The following TGIF1 variants were observed in gnomAD, a reference collection of about 807,000 sequenced individuals.
TGIF1 encodes TGFB induced factor homeobox 1.
TGIF1 carries 4 observed loss-of-function variants against 19.3 expected under a neutral mutation model. The ratio of observed to expected loss-of-function variants is 0.21; its 90% confidence interval spans 0.10 to 0.47. TGIF1 has a LOEUF of 0.47. TGIF1 is among the 20% of genes least tolerant of loss of function. TGIF1 has a pLI of 0.98. For synonymous variants in TGIF1, 122 were observed against 129.3 expected, an observed-to-expected ratio of 0.94 and a Z score of 0.38; for missense variants, 275 against 341.4, an observed-to-expected ratio of 0.81 and a Z score of 1.53.
Position 3,457,944 on chromosome 18 carries a change from A to G in TGIF1, c.*4A>G. On this transcript the variant is annotated 3_prime_UTR_variant, in exon 3 of 3. Coordinates refer to ENST00000343820, the MANE Select transcript of TGIF1 (RefSeq NM_003244.4). This position sits in a 1 kb window ranked among gnomAD's most constrained non-coding sequence, Gnocchi z 4.9. ...TCAGGCAAAACTTACAGCTTAACCC[A>G]TTTTCAAGCAAAACAGTTCTCAGAA... 1 of 1,599,642 alleles carries G rather than the reference A, an allele frequency of 6.3e-7. No homozygotes were observed. Among genetic ancestry groups the G allele is most frequent in the Non-Finnish European group, 8.5e-7 (1 of 1,179,694 alleles).
rs1568058385 is a variant in TGIF1, at chr18:3,458,914, AGT to A, written c.*977_*978del. 6.6e-6 allele frequency: 1 copy of A among 152,212 alleles called. No individual in the cohort carries two copies. 9.4% of individuals were successfully genotyped at this position (152,212 alleles called of 1,614,324 possible). ...AAATTACCTTTTAAAACATCTCAAAAGTGTTTTCTAAAATGATGAAATAAACG... is the reference window on the plus strand; with the variant it reads ...AAATTACCTTTTAAAACATCTCAAAAGTTTTCTAAAATGATGAAATAAACG... On this transcript the variant is annotated 3_prime_UTR_variant, in exon 3 of 3. Transcript: ENST00000343820.
chr18:3,415,207 G>A (rs2082316692), intron 1 of TGIF1: 2 of 221,130 alleles, frequency 9.0e-6, no homozygotes, highest in Non-Finnish European at 1.9e-5. Context: ...AGTGGCTCAA[G>A]AGCCAGGCCC....
Position 3,457,141 on chromosome 18 carries a change from A to T in TGIF1, c.244-224A>T. 1.6e-6 allele frequency: 1 copy of T among 617,626 alleles called. No individual in the cohort carries two copies. Among genetic ancestry groups the T allele is most frequent in the East Asian group, 2.8e-5 (1 of 36,068 alleles). 38.3% of individuals were successfully genotyped at this position (617,626 alleles called of 1,614,324 possible). On this transcript the variant is annotated intron_variant, in intron 2 of 2. Transcript: ENST00000343820. The surrounding 1 kb of genome is among the most constrained non-coding windows in gnomAD (Gnocchi z 4.9). The stretch of plus-strand genomic sequence containing the variant: ...TGAAAAGGTTTAAGTATGAAGAGAC[A>T]AAAAAGGAAATTTGTATTAGAAACT...
At chr18:3,452,222 C>G (rs770281321) in intron 1 of TGIF1, 7 of 1,604,724 alleles carry the variant, frequency 4.4e-6, no homozygotes, top group South Asian at 2.2e-5. Flanking sequence ...CCTGCGCCCC[C>G]CCTCCTCCAC....
Position 3,451,997 on chromosome 18 carries a change from C to A in TGIF1, c.16+1492C>A, listed in dbSNP as rs1362853844. The A allele has an allele frequency of 1.2e-6, 2 of 1,601,258 alleles. No individual in the cohort carries two copies. Among genetic ancestry groups the A allele is most frequent in the Admixed American group, 1.7e-5 (1 of 59,070 alleles). On this transcript the variant is annotated intron_variant, in intron 1 of 2. Transcript: ENST00000343820. The surrounding 1 kb of genome is among the most constrained non-coding windows in gnomAD (Gnocchi z 5.4). ...TTTCGAGGATGGTTCTAGCGCAGAG[C>A]CGGGTGTCTGCCGGGGTGGGCTCCC...
intron 2 of TGIF1, among the ~76,000 whole-genome samples, chr18:3,421,934 C>T (rs1395638063): frequency 2.6e-5 from 4 of 152,006 alleles, no homozygotes; most frequent in South Asian, 2.1e-4. Flanking sequence ...TGGCTCACGC[C>T]TGTAATCCCA....
chr18:3,438,594 CAA>C (rs1491173050), intron 2 of TGIF1, among the ~76,000 whole-genome samples: 3 of 144,590 alleles, frequency 2.1e-5, no homozygotes, highest in South Asian at 4.5e-4. Flanking sequence ...TTCATACACA[CAA>C]ACACACACAC....
In TGIF1 at chr18:3,457,823, C is replaced by T; in HGVS notation, c.702C>T (p.Asn234=). The change falls in exon 3 of 3, where the codon AAC becomes AAT. Residue 234 remains asparagine (N), a synonymous_variant. Coordinates refer to ENST00000343820, the MANE Select transcript of TGIF1 (RefSeq NM_003244.4). The surrounding 1 kb of genome is among the most constrained non-coding windows in gnomAD (Gnocchi z 4.9). ...PSTNTQSGLF[N]TPPPTPPDLN... is the part of the protein sequence containing the mutation. ...CGAATACACAGAGTGGTCTTTTCAA[C>T]ACTCCTCCCCCTACTCCACCGGACC... 1 of 1,612,836 alleles carries T rather than the reference C, an allele frequency of 6.2e-7. No individual in the cohort carries two copies. Among genetic ancestry groups the T allele is most frequent in the Non-Finnish European group, 8.5e-7 (1 of 1,180,010 alleles).
intron 2 of TGIF1, among the ~76,000 whole-genome samples, chr18:3,419,609 A>G (rs1311397303): frequency 6.6e-6 from 1 of 152,230 alleles, no homozygotes; most frequent in African/African-American, 2.4e-5. Flanking sequence ...AAAATGTACA[A>G]AACTAATAAT....
chr18:3,415,263 G>A, intron 1 of TGIF1: 1 of 275,988 alleles, frequency 3.6e-6, no homozygotes, highest in South Asian at 3.6e-5. Context: ...TGGACACCAA[G>A]CCAGCTTACC....
At chr18:3,427,696 T>A (rs1598864364) in intron 2 of TGIF1, among the ~76,000 whole-genome samples, 1 of 148,768 alleles carries the variant, frequency 6.7e-6, no homozygotes, top group Non-Finnish European at 1.5e-5. Flanking sequence ...ACCTCCCGGG[T>A]TCAAGCAATT....
chr18:3,456,172 A>T lies in TGIF1; in HGVS notation c.17-182A>T. ...TCTGGCATTTGGTTGAGAGCCTCCT[A>T]TGTGGTGCTAGTCAAACTACTTTTA... On this transcript the variant is annotated intron_variant, in intron 1 of 2. Transcript: ENST00000343820. The surrounding 1 kb of genome is among the most constrained non-coding windows in gnomAD (Gnocchi z 4.2). The T allele has an allele frequency of 1.4e-6, 1 of 722,334 alleles. No individual in the cohort carries two copies. Among genetic ancestry groups the T allele is most frequent in the South Asian group, 1.5e-5 (1 of 65,402 alleles). 44.7% of individuals were successfully genotyped at this position (722,334 alleles called of 1,614,324 possible). A position where few individuals can be genotyped will look rare whatever the true frequency, so the allele number is the denominator to read the frequency against.
chr18:3,451,538 C>T lies in TGIF1; in HGVS notation c.16+1033C>T. 9.9e-7 allele frequency: 1 copy of T among 1,005,754 alleles called. No individual in the cohort carries two copies. The highest frequency in any genetic ancestry group is 1.7e-5 in the African/African-American group (1 of 58,002). The allele number at this position is 1,005,754 out of a possible 1,614,324, so 62.3% of individuals were successfully genotyped here. ...AGAAGTTAATCACTCGGGAAGCGGA[C>T]GGGAGGGGCGGCGCTACTGCGCATG... On this transcript the variant is annotated intron_variant, in intron 1 of 2. Coordinates refer to ENST00000343820, the MANE Select transcript of TGIF1 (RefSeq NM_003244.4). The surrounding 1 kb of genome is among the most constrained non-coding windows in gnomAD (Gnocchi z 5.4).
chr18:3,433,135 GC>G (rs2082571627), intron 2 of TGIF1, among the ~76,000 whole-genome samples: 1 of 151,488 alleles, frequency 6.6e-6, no homozygotes, highest in African/African-American at 2.4e-5. Context: ...GTGCAGTGGA[GC>G]AATCTCAGCT....
Position 3,457,442 on chromosome 18 carries a change from G to T in TGIF1, c.321G>T (p.Gln107His), listed in dbSNP as rs550170411. Residue 107 changes from glutamine to histidine, a missense_variant, in exon 3 of 3, where the codon CAG becomes CAT. Gln to His is a conservative substitution (Grantham distance 24, BLOSUM62 0). Transcript: ENST00000343820. This position sits in a 1 kb window ranked among gnomAD's most constrained non-coding sequence, Gnocchi z 4.9. ...MLRKDGKDPN[Q>H]FTISRRGAKI... Reference sequence around the variant, plus strand: ...GAAAGGATGGCAAAGATCCAAATCAGTTCACAATTTCCCGCCGTGGGGCCA... The same window carrying T: ...GAAAGGATGGCAAAGATCCAAATCATTTCACAATTTCCCGCCGTGGGGCCA... 1 of 1,614,186 alleles carries T rather than the reference G, an allele frequency of 6.2e-7. No homozygotes were observed. The highest frequency in any genetic ancestry group is 1.3e-5 in the African/African-American group (1 of 75,038).
Position 3,451,864 on chromosome 18 carries a change from C to G in TGIF1, c.16+1359C>G. 7.1e-7 allele frequency: 1 copy of G among 1,414,768 alleles called. No homozygotes were observed. Among genetic ancestry groups the G allele is most frequent in the Non-Finnish European group, 9.2e-7 (1 of 1,084,122 alleles). 87.6% of individuals were successfully genotyped at this position (1,414,768 alleles called of 1,614,324 possible). A position where few individuals can be genotyped will look rare whatever the true frequency, so the allele number is the denominator to read the frequency against. On this transcript the variant is annotated intron_variant, in intron 1 of 2. Transcript: ENST00000343820. This position sits in a 1 kb window ranked among gnomAD's most constrained non-coding sequence, Gnocchi z 5.4. The stretch of plus-strand genomic sequence containing the variant: ...CTGGGAGAAAACGCGCGGGGGGCGT[C>G]CGAGACGCCCCGTGAAAGCCGTGCC...
At chr18:3,448,717 C>CTTTTTTTTTTTTTTTTTTTTTTTTT (rs869086299), upstream of TGIF1, 1 of 244,870 alleles carries the variant, frequency 4.1e-6, no homozygotes, top group African/African-American at 4.2e-5. Flanking sequence ...GCGGGGGTGT[C>CTTTTTTTTTTTTTTTTTTTTTTTTT]TTTTTTTTTT....
chr18:3,427,245 A>G (rs1299855912), intron 2 of TGIF1, among the ~76,000 whole-genome samples: 4 of 151,514 alleles, frequency 2.6e-5, no homozygotes, highest in Admixed American at 6.6e-5. Context: ...CGCCCAGCCA[A>G]TGATCTCTAT....
intron 2 of TGIF1, among the ~76,000 whole-genome samples, chr18:3,436,271 G>A (rs2082613282): frequency 6.6e-6 from 1 of 152,126 alleles, no homozygotes; most frequent in Non-Finnish European, 1.5e-5. Context: ...AAGTAAGACA[G>A]TACCAGCTAA....
Sources: allele counts gnomAD v4.1 joint callset (sites outside exome capture counted in the v4.1 genomes callset), GRCh38; gene constraint gnomAD v4.1.1; non-coding constraint Gnocchi (gnomAD v3.1); transcripts MANE v1.5; gene names NCBI Gene and HGNC (gene_info 2026-07-23, HGNC 2026-07-21).